The following EDRF1 variants were observed in gnomAD, a reference collection of about 807,000 sequenced individuals.
EDRF1 encodes erythroid differentiation-related factor 1.
Under a neutral mutation model 148.7 loss-of-function variants are expected in EDRF1, and 69 were observed. The observed-to-expected ratio is 0.46, with a 90% CI of 0.38 to 0.57. The LOEUF is 0.57. Among genes scored for constraint, EDRF1 ranks in the 20% least tolerant of loss-of-function variants. EDRF1 has a pLI of 0.00. For missense variants in EDRF1, 1,118 were observed against 1,478.7 expected, an observed-to-expected ratio of 0.76 and a Z score of 4.00; for synonymous variants, 515 against 532.8, an observed-to-expected ratio of 0.97 and a Z score of 0.46.
intron 17 of EDRF1, 83 bp from the exon 18 acceptor site, chr10:125,742,975 A>G: frequency 6.4e-7 from 1 of 1,558,596 alleles, no homozygotes; most frequent in Non-Finnish European, 8.7e-7. Flanking sequence ...TATTACTTAG[A>G]ATTTAGAATC....
At chr10:125,741,259 C>T (rs769631958) in intron 17 of EDRF1, 58 bp downstream of exon 17, 10 of 1,424,496 alleles carry the variant, frequency 7.0e-6, no homozygotes, top group Non-Finnish European at 9.9e-6. Flanking sequence ...CTAGCTCATG[C>T]TTATTTGAGT....
At chr10:125,721,988 C>T (rs1848030922) in intron 2 of EDRF1, among the ~76,000 whole-genome samples, 1 of 152,180 alleles carries the variant, frequency 6.6e-6, no homozygotes. Flanking sequence ...TCTTCTTCCC[C>T]CTTCTCAGCA....
chr10:125,753,882 A>G, intron 24 of EDRF1, 37 bp downstream of exon 24: 2 of 1,608,102 alleles, frequency 1.2e-6, no homozygotes, highest in South Asian at 1.1e-5. Context: ...TTTCTTTCCT[A>G]GCACCCTACC....
chr10:125,745,408 G>A (rs1849296956), intron 18 of EDRF1: 1 of 414,578 alleles, frequency 2.4e-6, no homozygotes, highest in African/African-American at 2.0e-5. Flanking sequence ...AGTCATACTG[G>A]ATTAGGATCC....
chr10:125,763,377 A>G lies in EDRF1; in HGVS notation c.3622A>G (p.Lys1208Glu). ...YSQLLRATAN[K>E]TATLLERINV... ...CCAGCTTTTGAGAGCAACTGCAAATAAAACCGCGACTCTTCTGGAAAGAAT... is the reference window on the plus strand; with the variant it reads ...CCAGCTTTTGAGAGCAACTGCAAATGAAACCGCGACTCTTCTGGAAAGAAT... The change falls in exon 25 of 25, where the codon AAA (lysine) becomes GAA (glutamate). Residue 1208 changes from lysine to glutamate, a missense_variant. Physicochemically the swap from Lys to Glu is moderately conservative, Grantham distance 56. This residue lies in a region of EDRF1 where 954 missense variants were observed against 1,241.4 expected (regional missense o/e 0.77). Coordinates refer to ENST00000356792, the MANE Select transcript of EDRF1 (RefSeq NM_001202438.2). The surrounding 1 kb of genome is among the most constrained non-coding windows in gnomAD (Gnocchi z 4.3). 1 of 1,613,540 alleles carries G rather than the reference A, an allele frequency of 6.2e-7. No homozygotes were observed. The highest frequency in any genetic ancestry group is 8.5e-7 in the Non-Finnish European group (1 of 1,180,040).
chr10:125,734,257 G>A (rs866389359), intron 12 of EDRF1, 74 bp downstream of exon 12: 1 of 1,141,756 alleles, frequency 8.8e-7, no homozygotes, highest in Non-Finnish European at 1.3e-6. Flanking sequence ...AGACAGTAAA[G>A]CCTCCTGATT....
intron 24 of EDRF1, chr10:125,756,744 T>A (rs554663420): frequency 2.6e-6 from 1 of 378,606 alleles, no homozygotes; most frequent in Non-Finnish European, 5.0e-6. Context: ...GTATGTCTTT[T>A]ATATTAAAAT....
At chr10:125,742,943 A>G in intron 17 of EDRF1, 115 bp from the exon 18 acceptor site, 2 of 1,491,350 alleles carry the variant, frequency 1.3e-6, no homozygotes, top group Non-Finnish European at 9.0e-7. Flanking sequence ...ATCTTGGTAT[A>G]CTTACACTAT....
chr10:125,754,631 C>T (rs1201910541), intron 24 of EDRF1, among the ~76,000 whole-genome samples: 6 of 152,134 alleles, frequency 3.9e-5, no homozygotes, highest in African/African-American at 9.7e-5. Context: ...CATCTTGTTG[C>T]GCTTACATTC....
At chr10:125,744,456 T>C (rs2133732159) in intron 18 of EDRF1, among the ~76,000 whole-genome samples, 1 of 152,318 alleles carries the variant, frequency 6.6e-6, no homozygotes, top group Non-Finnish European at 1.5e-5. Context: ...AGTTCTGGGA[T>C]TACAGGCATG....
In EDRF1 at chr10:125,749,576, A is replaced by T; in HGVS notation, c.3277+11A>T. 1.2e-6 allele frequency: 2 copies of T among 1,613,622 alleles called. No individual in the cohort carries two copies. Among genetic ancestry groups the T allele is most frequent in the Non-Finnish European group, 1.7e-6 (2 of 1,179,984 alleles). The stretch of plus-strand genomic sequence containing the variant: ...AATTTCAGATGACCAGTAAGTCTTA[A>T]TTTTCATTTCTCAGATATGTATGCA... On this transcript the variant is annotated intron_variant, in intron 22 of 24. Coordinates refer to ENST00000356792, the MANE Select transcript of EDRF1 (RefSeq NM_001202438.2).
chr10:125,731,885 CCTATT>C (rs1564735761), intron 9 of EDRF1: 1 of 453,048 alleles, frequency 2.2e-6, no homozygotes, highest in Admixed American at 2.4e-5. Flanking sequence ...TGCTGTTATT[CCTATT>C]TGATGGAAAG....
intron 24 of EDRF1, among the ~76,000 whole-genome samples, chr10:125,760,598 A>C (rs1032946005): frequency 1.3e-5 from 2 of 152,208 alleles, no homozygotes; most frequent in African/African-American, 4.8e-5. Context: ...TGACTATTTC[A>C]TTTTTCACTG....
intron 24 of EDRF1, among the ~76,000 whole-genome samples, chr10:125,754,245 A>C (rs1296822344): frequency 2.6e-5 from 4 of 152,016 alleles, no homozygotes; most frequent in Non-Finnish European, 5.9e-5. Flanking sequence ...AGAAAGAAAA[A>C]AATAGGTTGT....
At position 125,725,804 on chromosome 10, in the gene EDRF1, C is replaced by A. The variant is rs1347083949; in HGVS notation, c.758C>A (p.Ser253Tyr). The change falls in exon 6 of 25, where the codon TCT becomes TAT. Residue 253 changes from serine (S) to tyrosine (Y), a missense_variant. Ser to Tyr is a moderately radical substitution (Grantham distance 144). Around this residue, in one of 3 missense-constraint regions of EDRF1, gnomAD observed 954 missense variants for 1,241.4 expected, o/e 0.77. Coordinates refer to ENST00000356792, the MANE Select transcript of EDRF1 (RefSeq NM_001202438.2). ...TGGCCTGCTCCCTTCGAAATGCCTTCTTCAGTTTCTGAAGATCCCAGTGCT... is the reference window on the plus strand; with the variant it reads ...TGGCCTGCTCCCTTCGAAATGCCTTATTCAGTTTCTGAAGATCCCAGTGCT... ...ASWPAPFEMP[S>Y]SVSEDPSASS... 2 of 1,613,808 alleles carry A rather than the reference C, an allele frequency of 1.2e-6. No individual in the cohort carries two copies. Among genetic ancestry groups the A allele is most frequent in the Non-Finnish European group, 1.7e-6 (2 of 1,179,978 alleles).
chr10:125,754,073 G>C (rs193017001), intron 24 of EDRF1, among the ~76,000 whole-genome samples: 1 of 151,908 alleles, frequency 6.6e-6, no homozygotes, highest in Non-Finnish European at 1.5e-5. Context: ...AAAACTAACC[G>C]GTATGGTGGC....
At position 125,734,084 on chromosome 10, in the gene EDRF1, CATG is replaced by C. The variant is rs1848614047; in HGVS notation, c.1406_1408del (p.Met469del). On this transcript the variant is annotated inframe_deletion, in exon 12 of 25. Coordinates refer to ENST00000356792, the MANE Select transcript of EDRF1 (RefSeq NM_001202438.2). Reference sequence around the variant, plus strand: ...ACTCTTTTTTTAGGGTTGCTTGCAACATGATGATGAAGAAGAATCAAAATAAGA... The same window carrying C: ...ACTCTTTTTTTAGGGTTGCTTGCAACATGATGAAGAAGAATCAAAATAAGA... 13 of 1,612,684 alleles carry C rather than the reference CATG, an allele frequency of 8.1e-6. No individual in the cohort carries two copies. In the East Asian group the frequency reaches 1.6e-4, roughly 19 times the overall value.
intron 14 of EDRF1, 101 bp downstream of exon 14, chr10:125,738,090 C>T (rs1848827836): frequency 7.2e-7 from 1 of 1,385,454 alleles, no homozygotes; most frequent in Non-Finnish European, 1.0e-6. Context: ...GAATTGTGTT[C>T]TGCTGCGATT....
Position 125,725,363 on chromosome 10 carries a change from G to T in EDRF1, c.556G>T (p.Asp186Tyr). ...GAAAGAGTTTTATCAAAGACTCATTGATCAGAAGTGGCAGAGGAAGAAAAA... is the reference window on the plus strand; with the variant it reads ...GAAAGAGTTTTATCAAAGACTCATTTATCAGAAGTGGCAGAGGAAGAAAAA... ...WLKEFYQRLI[D>Y]QKWQRKKKSK... is the part of the protein sequence containing the mutation. Residue 186 changes from aspartate to tyrosine, a missense_variant, in exon 5 of 25, where the codon GAT (aspartate) becomes TAT (tyrosine). This residue lies in a region of EDRF1 where 99 missense variants were observed against 186.9 expected (regional missense o/e 0.53). Transcript: ENST00000356792. 6.2e-7 allele frequency: 1 copy of T among 1,614,012 alleles called. No individual in the cohort carries two copies. The highest frequency in any genetic ancestry group is 1.1e-5 in the South Asian group (1 of 91,052).
Sources: gnomAD v4.1 joint callset for allele counts (sites outside exome capture counted in the v4.1 genomes callset) on GRCh38, gnomAD v4.1.1 for gene constraint, gnomAD v4.1.1 regional missense constraint, Gnocchi (gnomAD v3.1) non-coding constraint, MANE v1.5 for transcripts, NCBI Gene and HGNC (gene_info 2026-07-23, HGNC 2026-07-21) for gene names.